The following ROBO1 variants were observed in gnomAD, a reference collection of about 807,000 sequenced individuals.
ROBO1 encodes roundabout homolog 1.
ROBO1 carries 149 observed loss-of-function variants against 195.9 expected under a neutral mutation model. The observed-to-expected ratio is 0.76, with a 90% CI of 0.67 to 0.87. ROBO1 has a LOEUF of 0.87. ROBO1 is among the 40% of genes least tolerant of loss of function. The pLI is 0.00. For missense variants in ROBO1, 1,933 were observed against 2,068.3 expected (o/e 0.93, Z 1.27); for synonymous variants, 816 against 733.2 (o/e 1.11, Z -1.82).
intron 2 of ROBO1, among the ~76,000 whole-genome samples, chr3:79,508,210 A>C (rs755814752): frequency 2.6e-5 from 4 of 152,110 alleles, no homozygotes; most frequent in Non-Finnish European, 4.4e-5. Context: ...CTATGTAACA[A>C]ACCTGCACGT....
chr3:79,340,413 G>T (rs1307694605), intron 2 of ROBO1, among the ~76,000 whole-genome samples: 2 of 152,086 alleles, frequency 1.3e-5, no homozygotes, highest in Admixed American at 1.3e-4. Context: ...TTGAATAAGG[G>T]GAGAGTATAC....
chr3:78,927,486 T>G (rs2039285931), intron 4 of ROBO1, among the ~76,000 whole-genome samples: 1 of 152,240 alleles, frequency 6.6e-6, no homozygotes, highest in African/African-American at 2.4e-5. Context: ...GAAGTCACAC[T>G]AATTGAGATC....
intron 4 of ROBO1, among the ~76,000 whole-genome samples, chr3:78,832,846 T>C (rs2032353526): frequency 6.6e-6 from 1 of 152,010 alleles, no homozygotes; most frequent in African/African-American, 2.4e-5. Flanking sequence ...ACTCTTGGTA[T>C]AGAGCACAAC....
At chr3:78,603,494 T>C (rs1393837307) in intron 29 of ROBO1, among the ~76,000 whole-genome samples, 1 of 152,142 alleles carries the variant, frequency 6.6e-6, no homozygotes, top group African/African-American at 2.4e-5. Context: ...GAAGTCAAGG[T>C]TTATGCTTAT....
At chr3:79,611,815 C>A (rs1198676450) in intron 1 of ROBO1, among the ~76,000 whole-genome samples, 1 of 151,922 alleles carries the variant, frequency 6.6e-6, no homozygotes, top group South Asian at 2.1e-4. Flanking sequence ...TGCAGCAAAC[C>A]ACCATGGCAC....
chr3:79,033,335 C>G (rs1440448294), intron 3 of ROBO1, among the ~76,000 whole-genome samples: 1 of 151,944 alleles, frequency 6.6e-6, no homozygotes, highest in Non-Finnish European at 1.5e-5. Context: ...AAAGAATATT[C>G]TTAGCATTTT....
At chr3:79,622,933 C>T (rs772544305) in intron 1 of ROBO1, among the ~76,000 whole-genome samples, 1 of 152,206 alleles carries the variant, frequency 6.6e-6, no homozygotes, top group Non-Finnish European at 1.5e-5. Context: ...GGTTGGTGCT[C>T]CTCAAGGTCA....
intron 2 of ROBO1, among the ~76,000 whole-genome samples, chr3:79,522,501 T>G (rs978039995): frequency 1.3e-5 from 2 of 152,206 alleles, no homozygotes; most frequent in Non-Finnish European, 2.9e-5. Context: ...GGAGTCATCA[T>G]TCCTGTATTC....
chr3:78,909,586 T>C (rs1037630909), intron 4 of ROBO1, among the ~76,000 whole-genome samples: 4 of 151,888 alleles, frequency 2.6e-5, no homozygotes, highest in African/African-American at 9.7e-5. Flanking sequence ...TTTGATTTCC[T>C]GGCAACAAAA....
intron 4 of ROBO1, among the ~76,000 whole-genome samples, chr3:78,813,256 ACAC>A (rs2084798842): frequency 7.2e-6 from 1 of 138,056 alleles, no homozygotes; most frequent in Non-Finnish European, 1.6e-5. Flanking sequence ...ACACACACAC[ACAC>A]ACACCACTTT....
chr3:78,678,261 A>G (rs1708562764), intron 10 of ROBO1, among the ~76,000 whole-genome samples: 1 of 150,612 alleles, frequency 6.6e-6, no homozygotes, highest in Admixed American at 6.6e-5. Context: ...CACAATTAAA[A>G]GAACTAGAAA....
intron 2 of ROBO1, among the ~76,000 whole-genome samples, chr3:79,349,533 C>A (rs1354624229): frequency 6.6e-6 from 1 of 152,046 alleles, no homozygotes; most frequent in Non-Finnish European, 1.5e-5. Context: ...TTGCAAAGAA[C>A]AAAGTTGGAA....
At chr3:79,347,565 C>T (rs139673322) in intron 2 of ROBO1, among the ~76,000 whole-genome samples, 89 of 152,198 alleles carry the variant, frequency 5.8e-4, no homozygotes, top group Non-Finnish European at 8.5e-4. Context: ...CTCAGGATTG[C>T]GATAAAGTGT....
chr3:79,128,084 G>T (rs563050672), intron 2 of ROBO1, among the ~76,000 whole-genome samples: 171 of 152,272 alleles, frequency 1.1e-3, no homozygotes, highest in Non-Finnish European at 2.1e-3. Flanking sequence ...ACTAATTTAA[G>T]ACCAGTCCAA....
At chr3:79,696,656 A>G (rs569507466) in intron 1 of ROBO1, among the ~76,000 whole-genome samples, 3 of 151,484 alleles carry the variant, frequency 2.0e-5, no homozygotes, top group South Asian at 4.2e-4. Flanking sequence ...ACTGATCTCT[A>G]AAAAAGGAGG....
At chr3:79,213,823 T>C (rs996561545) in intron 2 of ROBO1, among the ~76,000 whole-genome samples, 20 of 143,104 alleles carry the variant, frequency 1.4e-4, no homozygotes, top group Non-Finnish European at 2.9e-4. Flanking sequence ...TTTCTTTTTT[T>C]TTTTTTTTTT....
chr3:79,678,579 A>G (rs1369607440), intron 1 of ROBO1, among the ~76,000 whole-genome samples: 1 of 152,106 alleles, frequency 6.6e-6, no homozygotes, highest in Non-Finnish European at 1.5e-5. Context: ...TTCCTCTTTT[A>G]GATAGAAATT....
At chr3:79,511,986 T>C (rs1195574470) in intron 2 of ROBO1, among the ~76,000 whole-genome samples, 5 of 152,144 alleles carry the variant, frequency 3.3e-5, no homozygotes, top group African/African-American at 1.2e-4. Context: ...GCTTTATACC[T>C]GGATGATGAA....
intron 4 of ROBO1, among the ~76,000 whole-genome samples, chr3:78,825,140 G>A (rs162816): frequency 0.97 from 147,067 of 152,278 alleles, 71,219 homozygotes; most frequent in East Asian, 1. Context: ...CTTTGAATAC[G>A]GGTAAACATT....
Sources: allele counts gnomAD v4.1 joint callset (sites outside exome capture counted in the v4.1 genomes callset), GRCh38; gene constraint gnomAD v4.1.1; transcripts MANE v1.5; gene names NCBI Gene and HGNC (gene_info 2026-07-23, HGNC 2026-07-21).